Variants in PLA2G4F observed in about 807,000 individuals in gnomAD.
The protein encoded by PLA2G4F is phospholipase A2 group IVF, also known as cytosolic phospholipase A2 zeta.
A neutral mutation model predicts 103.1 loss-of-function variants in PLA2G4F; 105 were observed. The observed-to-expected ratio is 1.02, with a 90% CI of 0.87 to 1.20. PLA2G4F has a LOEUF of 1.20. PLA2G4F is among the 50% of genes most tolerant of loss of function. The pLI is 0.00. For synonymous variants in PLA2G4F, 468 were observed against 441.1 expected (o/e 1.06, Z -0.76); for missense variants, 1,155 against 1,075.9 (o/e 1.07, Z -1.03).
chr15:42,152,304 T>C (rs7359222), intron 7 of PLA2G4F, among the ~76,000 whole-genome samples: 2,830 of 152,314 alleles, frequency 0.019, 87 homozygotes, highest in African/African-American at 0.065. Context: ...CTTGTTCCTC[T>C]GCTGATGCCT....
Position 42,154,333 on chromosome 15 carries a change from C to A in PLA2G4F, c.310G>T (p.Gly104Cys). The change falls in exon 3 of 20, where the codon GGT becomes TGT. Residue 104 changes from glycine (G) to cysteine (C), a missense_variant. By Grantham distance (159) the Gly-to-Cys change is radical (BLOSUM62 -3). Transcript: ENST00000397272. The stretch of plus-strand genomic sequence containing the variant: ...TGGCTGGCCCTCACCTTCACAGCAC[C>A]ATGGATCTGGTAGTGGAAGGTCTCA... The part of the protein sequence containing the change: ...WNETFHYQIH[G>C]AVKNVLELTL... 6.2e-7 allele frequency: 1 copy of A among 1,609,186 alleles called. No individual in the cohort carries two copies. Among genetic ancestry groups the A allele is most frequent in the South Asian group, 1.1e-5 (1 of 90,588 alleles).
chr15:42,156,619 G>A lies in PLA2G4F; in HGVS notation c.-70C>T. ...TCTGGTTGCACAAACTGCTGGCTCA[G>A]GTGTGACAGGCAGCACTGAGTTGGG... is the stretch of plus-strand genomic sequence containing the variant. On this transcript the variant is annotated 5_prime_UTR_variant, in exon 1 of 20. Transcript: ENST00000397272. 9.0e-7 allele frequency: 1 copy of A among 1,114,052 alleles called. No individual in the cohort carries two copies. The highest frequency in any genetic ancestry group is 1.5e-5 in the South Asian group (1 of 65,252). The allele number at this position is 1,114,052 out of a possible 1,614,324, so 69.0% of individuals were successfully genotyped here. A position where few individuals can be genotyped will look rare whatever the true frequency, so the allele number is the denominator to read the frequency against.
Position 42,142,541 on chromosome 15 carries a change from T to A in PLA2G4F, c.2316A>T (p.Thr772=). ...AGCTTCCCTTACCTGGGGCCAGGTG[T>A]GTGCGGAAGGTACGGTTAACCAGGG... The part of the protein sequence containing the change: ...HFPLVNRTFR[T]HLAPGVERQT... Residue 772 remains threonine, a synonymous_variant, in exon 19 of 20, where the codon ACA becomes ACT. Coordinates refer to ENST00000397272, the MANE Select transcript of PLA2G4F (RefSeq NM_213600.4). 1 of 1,613,230 alleles carries A rather than the reference T, an allele frequency of 6.2e-7. No individual in the cohort carries two copies. The highest frequency in any genetic ancestry group is 8.5e-7 in the Non-Finnish European group (1 of 1,179,564).
At position 42,150,862 on chromosome 15, in the gene PLA2G4F, A is replaced by T. The variant is rs147487950; in HGVS notation, c.602-85T>A. ...CTTATGCTGGCAGCGCCCCAGCAGC[A>T]ACCCCTCCCTTCTCTTCCCCTAGGA... On this transcript the variant is annotated intron_variant, in intron 7 of 19. Transcript: ENST00000397272. The T allele has an allele frequency of 7.9e-5, 120 of 1,522,882 alleles. No homozygotes were observed. In the African/African-American group the frequency reaches 1.5e-3, roughly 19 times the overall value. The allele number at this position is 1,522,882 out of a possible 1,614,324, so 94.3% of individuals were successfully genotyped here. A position where few individuals can be genotyped will look rare whatever the true frequency, so the allele number is the denominator to read the frequency against.
At chr15:42,145,705 A>C (rs778491841) in intron 15 of PLA2G4F, 23 bp from the exon 16 acceptor site, 1 of 1,612,282 alleles carries the variant, frequency 6.2e-7, no homozygotes. Flanking sequence ...GCAGGCCCCC[A>C]CCCCACGTCA....
intron 1 of PLA2G4F, among the ~76,000 whole-genome samples, 183 bp from the exon 2 acceptor site, chr15:42,155,772 C>T (rs980746478): frequency 1.3e-5 from 2 of 152,134 alleles, no homozygotes; most frequent in Admixed American, 1.3e-4. Context: ...CGTGATGTGT[C>T]TGGACCCTGG....
At chr15:42,155,083 G>A (rs936522453) in intron 2 of PLA2G4F, among the ~76,000 whole-genome samples, 7 of 149,258 alleles carry the variant, frequency 4.7e-5, no homozygotes, top group Non-Finnish European at 3.0e-5. Context: ...TACACAACAC[G>A]CACACACGTA....
chr15:42,153,568 C>A, intron 5 of PLA2G4F, 52 bp downstream of exon 5: 1 of 1,608,028 alleles, frequency 6.2e-7, no homozygotes, highest in Non-Finnish European at 8.5e-7. Context: ...CTAGGAGCTG[C>A]CCTGACTCAA....
intron 1 of PLA2G4F, 33 bp downstream of exon 1, chr15:42,156,406 T>C: frequency 6.5e-7 from 1 of 1,532,328 alleles, no homozygotes; most frequent in Non-Finnish European, 8.8e-7. Context: ...ACTCCCCCAG[T>C]CCGGGTTTCC....
Position 42,140,309 on chromosome 15 carries a change from T to G in PLA2G4F, c.*1675A>C, listed in dbSNP as rs1390192507. 6.6e-6 allele frequency: 1 copy of G among 152,264 alleles called. No homozygotes were observed. Among genetic ancestry groups the G allele is most frequent in the Admixed American group, 6.5e-5 (1 of 15,284 alleles). The allele number at this position is 152,264 out of a possible 1,614,324, so 9.4% of individuals were successfully genotyped here. A position where few individuals can be genotyped will look rare whatever the true frequency, so the allele number is the denominator to read the frequency against. On this transcript the variant is annotated 3_prime_UTR_variant, in exon 20 of 20. Coordinates refer to ENST00000397272, the MANE Select transcript of PLA2G4F (RefSeq NM_213600.4). ...AGCCAGAGACAGCCTGAGGCTCTAA[T>G]GGGCACTGAAGAAACACCACAGATT...
intron 6 of PLA2G4F, 76 bp from the exon 7 acceptor site, chr15:42,152,830 G>C (rs2140814500): frequency 7.1e-7 from 1 of 1,411,608 alleles, no homozygotes; most frequent in East Asian, 2.5e-5. Context: ...GGAGTGCCTA[G>C]GGCAGGGTCT....
chr15:42,150,907 C>G (rs192275061), intron 7 of PLA2G4F, 130 bp from the exon 8 acceptor site: 6 of 1,470,608 alleles, frequency 4.1e-6, no homozygotes, highest in Non-Finnish European at 5.4e-6. Context: ...TCTTATCGCC[C>G]GCTCTCTCTT....
At chr15:42,144,667 A>C (rs1306456409) in intron 16 of PLA2G4F, 23 bp from the exon 17 acceptor site, 1 of 1,539,638 alleles carries the variant, frequency 6.5e-7, no homozygotes, top group African/African-American at 1.4e-5. Context: ...GGGACAGTGA[A>C]ATAGAGGGGA....
In PLA2G4F at chr15:42,153,348, A is replaced by C. The variant is rs1417695912; in HGVS notation, c.492-6T>G. On this transcript the variant is annotated splice_region_variant and splice_polypyrimidine_tract_variant and intron_variant, in intron 5 of 19. Transcript: ENST00000397272. ...CTTCAGATGCAGGCACCTGGCTGCA[A>C]AGGATGAGGAATACATGGAGAATAC... 1.2e-6 allele frequency: 2 copies of C among 1,613,498 alleles called. No homozygotes were observed. The highest frequency in any genetic ancestry group is 1.7e-6 in the Non-Finnish European group (2 of 1,179,450).
rs531994085 is a variant in PLA2G4F at position 42,147,741 on chromosome 15, C to A, written c.1081G>T (p.Gly361Cys). ...SGQVPVVAVL[G>C]SGGGTRAMSS... ...ATGGCTCGGGTTCCACCCCCGGAAC[C>A]CAACACAGCCACTACAGGCACCTGG... is the stretch of plus-strand genomic sequence containing the variant. Residue 361 changes from glycine (G) to cysteine (C), a missense_variant, in exon 12 of 20, where the codon GGT (glycine) becomes TGT (cysteine). This residue lies in a region of PLA2G4F where 782 missense variants were observed against 692.9 expected (regional missense o/e 1.13). Transcript: ENST00000397272. The A allele has an allele frequency of 1.5e-5, 24 of 1,613,868 alleles. No homozygotes were observed. The highest frequency in any genetic ancestry group is 6.7e-5 in the Admixed American group (4 of 60,020).
At position 42,156,492 on chromosome 15, in the gene PLA2G4F, C is replaced by T; in HGVS notation, c.58G>A (p.Ala20Thr). Residue 20 changes from alanine (A) to threonine (T), a missense_variant, in exon 1 of 20, where the codon GCA becomes ACA. By Grantham distance (58) the Ala-to-Thr change is moderately conservative. Around this residue, in one of 3 missense-constraint regions of PLA2G4F, gnomAD observed 370 missense variants for 364.9 expected, o/e 1.01. Coordinates refer to ENST00000397272, the MANE Select transcript of PLA2G4F (RefSeq NM_213600.4). ...LADKMLPLLG[A>T]VLLQKREKRG... ...TTCTCTCTCTTCTGAAGCAGCACTGCCCCCAGGAGGGGCAGCATCTTGTCT... is the reference window on the plus strand; with the variant it reads ...TTCTCTCTCTTCTGAAGCAGCACTGTCCCCAGGAGGGGCAGCATCTTGTCT... The T allele has an allele frequency of 6.4e-7, 1 of 1,564,428 alleles. No homozygotes were observed. The highest frequency in any genetic ancestry group is 8.7e-7 in the Non-Finnish European group (1 of 1,153,416).
At position 42,147,348 on chromosome 15, in the gene PLA2G4F, T is replaced by TG. The variant is rs766372908; in HGVS notation, c.1197-3dup. ...TCCCTGTAGAGTGTGGAGATGCACC[T>TG]GGGGATTGGAGGTGTGCCTGAGTCA... On this transcript the variant is annotated splice_region_variant and splice_polypyrimidine_tract_variant and intron_variant, in intron 12 of 19. Transcript: ENST00000397272. 6.2e-7 allele frequency: 1 copy of TG among 1,604,224 alleles called. No individual in the cohort carries two copies. Among genetic ancestry groups the TG allele is most frequent in the East Asian group, 2.2e-5 (1 of 44,874 alleles).
At position 42,150,766 on chromosome 15, in the gene PLA2G4F, G is replaced by A. The variant is rs760927066; in HGVS notation, c.613C>T (p.Leu205Phe). The part of the protein sequence containing the change: ...APREEYGSRQ[L>F]QLAVPGAYEK... Reference sequence around the variant, plus strand: ...TAGGCTCCAGGCACTGCCAGCTGGAGCTGCCTAGAGCCTGAGAGCAGAGGG... The same window carrying A: ...TAGGCTCCAGGCACTGCCAGCTGGAACTGCCTAGAGCCTGAGAGCAGAGGG... Residue 205 changes from leucine (L) to phenylalanine (F), a missense_variant, in exon 8 of 20, where the codon CTC (leucine) becomes TTC (phenylalanine). Coordinates refer to ENST00000397272, the MANE Select transcript of PLA2G4F (RefSeq NM_213600.4). 2.4e-5 allele frequency: 38 copies of A among 1,607,298 alleles called. No homozygotes were observed. Among genetic ancestry groups the A allele is most frequent in the Admixed American group, 3.4e-5 (2 of 58,810 alleles).
chr15:42,153,435 G>T, intron 5 of PLA2G4F, 93 bp from the exon 6 acceptor site: 1 of 1,530,766 alleles, frequency 6.5e-7, no homozygotes, highest in South Asian at 1.1e-5. Flanking sequence ...GGCAGAGCAT[G>T]AGGAACACAG....
Sources: allele counts gnomAD v4.1 joint callset (sites outside exome capture counted in the v4.1 genomes callset), GRCh38; gene constraint gnomAD v4.1.1; regional missense constraint gnomAD v4.1.1; transcripts MANE v1.5; gene names NCBI Gene and HGNC (gene_info 2026-07-23, HGNC 2026-07-21).